The following MED13 variants were observed in gnomAD, a reference collection of about 807,000 sequenced individuals.
MED13 encodes the protein mediator complex subunit 13, also known as mediator of RNA polymerase II transcription subunit 13.
A neutral mutation model predicts 225.2 loss-of-function variants in MED13; 23 were observed. The observed-to-expected ratio is 0.10, with a 90% CI of 0.07 to 0.14. The LOEUF is 0.14. MED13 is among the 10% of genes least tolerant of loss of function. MED13 has a pLI of 1.00. For missense variants in MED13, 2,197 were observed against 2,594.5 expected, an observed-to-expected ratio of 0.85 and a Z score of 3.33; for synonymous variants, 942 against 889.2, an observed-to-expected ratio of 1.06 and a Z score of -1.06.
rs781724132 is a variant in MED13 at position 61,992,565 on chromosome 17, T to C, written c.2238A>G (p.Ser746=). The C allele has an allele frequency of 2.5e-6, 4 of 1,611,360 alleles. No homozygotes were observed. The highest frequency in any genetic ancestry group is 3.4e-6 in the Non-Finnish European group (4 of 1,177,806). The change falls in exon 11 of 30, where the codon TCA becomes TCG. Residue 746 remains serine, a synonymous_variant. Coordinates refer to ENST00000397786, the MANE Select transcript of MED13 (RefSeq NM_005121.3). ...TVLSHEEDAM[S]LFSPSIKQDA... ...CTTGCTTGATAGAGGGACTAAATAATGACATAGCATCTTCTTCATGTGATA... is the reference window on the plus strand; with the variant it reads ...CTTGCTTGATAGAGGGACTAAATAACGACATAGCATCTTCTTCATGTGATA...
Position 61,984,884 on chromosome 17 carries a change from T to C in MED13, c.2477-19A>G, listed in dbSNP as rs746753160. ...GCAGTGCCTATATTTAATAAAAACA[T>C]ACATTTTAACATGACTAAAAATAGG... is the stretch of plus-strand genomic sequence containing the variant. On this transcript the variant is annotated intron_variant, in intron 13 of 29. Transcript: ENST00000397786. The C allele has an allele frequency of 1.7e-5, 27 of 1,596,864 alleles. No homozygotes were observed. The highest frequency in any genetic ancestry group is 3.4e-5 in the Admixed American group (2 of 58,184).
intron 16 of MED13, 24 bp downstream of exon 16, chr17:61,982,174 A>G: frequency 6.4e-7 from 1 of 1,568,922 alleles, no homozygotes; most frequent in Non-Finnish European, 8.6e-7. Context: ...GCAAACAAAA[A>G]AGTATTTTAT....
At chr17:61,955,979 A>T in intron 24 of MED13, 141 bp from the exon 25 acceptor site, 1 of 1,303,372 alleles carries the variant, frequency 7.7e-7, no homozygotes, top group Non-Finnish European at 9.9e-7. Flanking sequence ...CTCCAACACG[A>T]GTCATCATCA....
At chr17:62,018,411 T>C (rs1319860842) in intron 8 of MED13, among the ~76,000 whole-genome samples, 1 of 152,136 alleles carries the variant, frequency 6.6e-6, no homozygotes, top group Non-Finnish European at 1.5e-5. Flanking sequence ...CTACAGATTG[T>C]TTACACTGAA....
chr17:62,062,304 G>A (rs1052616211), intron 2 of MED13, among the ~76,000 whole-genome samples: 3 of 152,120 alleles, frequency 2.0e-5, no homozygotes, highest in African/African-American at 7.2e-5. Flanking sequence ...GTAATTATAT[G>A]AAAAGCTATA....
intron 8 of MED13, among the ~76,000 whole-genome samples, chr17:62,012,327 CTT>C (rs60421231): frequency 0.075 from 9,704 of 129,458 alleles, 830 homozygotes; most frequent in African/African-American, 0.27. Flanking sequence ...CACTAAGAAA[CTT>C]TTTTTTTTTT....
intron 22 of MED13, 91 bp from the exon 23 acceptor site, chr17:61,961,181 G>T: frequency 2.7e-6 from 3 of 1,130,864 alleles, no homozygotes; most frequent in Non-Finnish European, 2.5e-6. Context: ...CCAATTATAA[G>T]ATAATTGGAA....
chr17:62,050,042 A>T (rs1441424714), intron 3 of MED13, among the ~76,000 whole-genome samples: 1 of 151,936 alleles, frequency 6.6e-6, no homozygotes, highest in Non-Finnish European at 1.5e-5. Flanking sequence ...ACCAAAACTT[A>T]TAACTATATT....
Position 61,945,387 on chromosome 17 carries a change from CATA to C in MED13, c.*1078_*1080del, listed in dbSNP as rs942086779. The C allele has an allele frequency of 3.3e-5, 5 of 152,492 alleles. No individual in the cohort carries two copies. Among genetic ancestry groups the C allele is most frequent in the South Asian group, 2.1e-4 (1 of 4,830 alleles). 9.4% of individuals were successfully genotyped at this position (152,492 alleles called of 1,614,324 possible). A position where few individuals can be genotyped will look rare whatever the true frequency, so the allele number is the denominator to read the frequency against. On this transcript the variant is annotated 3_prime_UTR_variant, in exon 30 of 30. Coordinates refer to ENST00000397786, the MANE Select transcript of MED13 (RefSeq NM_005121.3). ...TATAGCAGATCCTGAAAATAAATTT[CATA>C]ATAATATTTCCATGCCTAAATATGC...
chr17:61,954,399 A>G (rs1257741593), intron 26 of MED13, among the ~76,000 whole-genome samples: 1 of 152,230 alleles, frequency 6.6e-6, no homozygotes, highest in Non-Finnish European at 1.5e-5. Flanking sequence ...TAAGAGATAT[A>G]TAAAATGAGT....
chr17:61,959,927 TG>T (rs2079983983), intron 23 of MED13, among the ~76,000 whole-genome samples: 2 of 152,058 alleles, frequency 1.3e-5, no homozygotes, highest in South Asian at 4.1e-4. Context: ...GGTTTCGCCA[TG>T]TTGCCCAGGC....
intron 3 of MED13, among the ~76,000 whole-genome samples, chr17:62,050,015 A>C (rs1038406039): frequency 2.0e-5 from 3 of 152,072 alleles, no homozygotes; most frequent in African/African-American, 7.2e-5. Context: ...ATAAGAGTAT[A>C]AACAAATATT....
intron 27 of MED13, among the ~76,000 whole-genome samples, chr17:61,951,844 G>A (rs192274982): frequency 2.0e-5 from 3 of 152,226 alleles, no homozygotes; most frequent in African/African-American, 7.2e-5. Flanking sequence ...TACTTTAAAA[G>A]GGTAAATTTT....
chr17:61,961,366 C>CA (rs1320213084), intron 22 of MED13, among the ~76,000 whole-genome samples: 1 of 151,344 alleles, frequency 6.6e-6, no homozygotes, highest in Non-Finnish European at 1.5e-5. Flanking sequence ...CTCCCACACA[C>CA]AAAATTAGCT....
rs1267367816 is a variant in MED13, at chr17:61,993,196, C to CTTTTTTTTT, written c.2182-576_2182-575insAAAAAAAAA. ...CAAAGTCCATGTTCTTTCTTTCTTT[C>CTTTTTTTTT]TTTCTTTTTTTTTTTTTTTTTTTGA... On this transcript the variant is annotated intron_variant, in intron 10 of 29. Coordinates refer to ENST00000397786, the MANE Select transcript of MED13 (RefSeq NM_005121.3). 4.0e-4 allele frequency among the ~76,000 whole-genome samples: 51 copies of CTTTTTTTTT among 127,376 alleles called. 1 individual carries two copies. The highest frequency in any genetic ancestry group is 1.6e-3 in the African/African-American group (44 of 27,818). 83.6% of individuals were successfully genotyped at this position (127,376 alleles called of 152,430 possible). A position where few individuals can be genotyped will look rare whatever the true frequency, so the allele number is the denominator to read the frequency against.
intron 3 of MED13, among the ~76,000 whole-genome samples, chr17:62,051,847 A>G (rs901340332): frequency 6.6e-6 from 1 of 152,172 alleles, no homozygotes; most frequent in Non-Finnish European, 1.5e-5. Flanking sequence ...CACTAACTCA[A>G]TGACTGCTGG....
intron 13 of MED13, 46 bp from the exon 14 acceptor site, chr17:61,984,911 G>C (rs772831387): frequency 4.4e-6 from 7 of 1,590,348 alleles, no homozygotes; most frequent in Admixed American, 1.7e-5. Context: ...AAAAATAGGC[G>C]AATCTGTGTT....
chr17:61,980,853 C>T (rs969427924), intron 16 of MED13, among the ~76,000 whole-genome samples: 1 of 151,936 alleles, frequency 6.6e-6, no homozygotes, highest in Non-Finnish European at 1.5e-5. Flanking sequence ...AGCAACTCCT[C>T]TGCCTTGGCC....
intron 23 of MED13, among the ~76,000 whole-genome samples, chr17:61,960,190 G>A (rs2079986836): frequency 1.3e-5 from 2 of 152,002 alleles, no homozygotes; most frequent in Admixed American, 1.3e-4. Context: ...TGACCTATTA[G>A]TTATATCCTT....
Sources: allele counts gnomAD v4.1 joint callset (sites outside exome capture counted in the v4.1 genomes callset), GRCh38; gene constraint gnomAD v4.1.1; transcripts MANE v1.5; gene names NCBI Gene and HGNC (gene_info 2026-07-23, HGNC 2026-07-21).